TMEM117: variants seen among roughly 807,000 people sequenced by gnomAD.
TMEM117 encodes the protein transmembrane protein 117.
A neutral mutation model predicts 52.4 loss-of-function variants in TMEM117; 27 were observed. The observed-to-expected ratio is 0.51, with a 90% CI of 0.38 to 0.71. The LOEUF is 0.71. Ranked by LOEUF, TMEM117 falls within the 30% of genes least tolerant of loss-of-function variation. The pLI, the probability that TMEM117 is intolerant of heterozygous loss-of-function variation, is 0.00. For missense variants in TMEM117, 556 were observed against 630.5 expected (o/e 0.88, Z 1.26); for synonymous variants, 215 against 206.3 (o/e 1.04, Z -0.36).
At chr12:43,879,612 C>G (rs1450761184) in intron 2 of TMEM117, among the ~76,000 whole-genome samples, 1 of 152,220 alleles carries the variant, frequency 6.6e-6, no homozygotes, top group Admixed American at 6.5e-5. Flanking sequence ...TAGTTTGATT[C>G]TAAACCATCC....
At chr12:44,189,336 G>C (rs1402113712) in intron 4 of TMEM117, among the ~76,000 whole-genome samples, 1 of 152,080 alleles carries the variant, frequency 6.6e-6, no homozygotes, top group East Asian at 1.9e-4. Context: ...TGCAGAAAAT[G>C]ATATTTCTCT....
At chr12:43,972,378 C>A (rs1014346434) in intron 3 of TMEM117, among the ~76,000 whole-genome samples, 1 of 152,160 alleles carries the variant, frequency 6.6e-6, no homozygotes, top group Admixed American at 6.5e-5. Context: ...TGGACCTTTG[C>A]GGTGAGTGTT....
intron 4 of TMEM117, among the ~76,000 whole-genome samples, chr12:44,191,137 GGAA>G (rs1203210549): frequency 4.0e-5 from 6 of 151,882 alleles, no homozygotes; most frequent in Non-Finnish European, 7.4e-5. Context: ...CGTGATGGCA[GGAA>G]GAAGAAGAAT....
chr12:44,282,975 T>C (rs1950596343), intron 5 of TMEM117, among the ~76,000 whole-genome samples: 1 of 152,246 alleles, frequency 6.6e-6, no homozygotes, highest in Non-Finnish European at 1.5e-5. Flanking sequence ...GAGGCCAATG[T>C]CCAGCTCAGG....
intron 3 of TMEM117, among the ~76,000 whole-genome samples, chr12:43,989,811 A>G (rs1565782722): frequency 1.3e-5 from 2 of 152,168 alleles, no homozygotes; most frequent in South Asian, 4.1e-4. Context: ...TCAAACAATA[A>G]TCTGGAGTAA....
chr12:44,387,568 A>G (rs955508539), intron 7 of TMEM117, among the ~76,000 whole-genome samples: 1 of 152,140 alleles, frequency 6.6e-6, no homozygotes, highest in African/African-American at 2.4e-5. Flanking sequence ...AATTTGATAT[A>G]CTGCTGTGCT....
At chr12:44,287,665 CATA>C (rs1268446974) in intron 5 of TMEM117, among the ~76,000 whole-genome samples, 1 of 152,188 alleles carries the variant, frequency 6.6e-6, no homozygotes, top group East Asian at 1.9e-4. Context: ...TAGCTACAAA[CATA>C]ATAACAGGAG....
At chr12:44,244,165 G>T (rs1034033608) in intron 5 of TMEM117, among the ~76,000 whole-genome samples, 1 of 151,884 alleles carries the variant, frequency 6.6e-6, no homozygotes, top group Non-Finnish European at 1.5e-5. Context: ...GGATCACGTG[G>T]TAATTATATT....
chr12:44,086,648 C>G (rs972239567), intron 3 of TMEM117, among the ~76,000 whole-genome samples: 23 of 152,036 alleles, frequency 1.5e-4, no homozygotes, highest in African/African-American at 4.8e-4. Flanking sequence ...GTTTCTGGCT[C>G]AAGTCCCAAG....
At chr12:44,000,372 C>T (rs73286255) in intron 3 of TMEM117, among the ~76,000 whole-genome samples, 5,931 of 152,220 alleles carry the variant, frequency 0.039, 219 homozygotes, top group African/African-American at 0.093. Flanking sequence ...TTTGTGTACT[C>T]CCAGAGGCAA....
At chr12:44,037,201 C>A (rs1053145806) in intron 3 of TMEM117, among the ~76,000 whole-genome samples, 3 of 152,182 alleles carry the variant, frequency 2.0e-5, no homozygotes, top group Non-Finnish European at 4.4e-5. Flanking sequence ...CTCTTGGGGG[C>A]TGGAAGCAGG....
intron 3 of TMEM117, among the ~76,000 whole-genome samples, chr12:43,975,328 C>G (rs935448838): frequency 1.3e-5 from 2 of 152,172 alleles, no homozygotes; most frequent in East Asian, 3.8e-4. Context: ...GGGTCAGACT[C>G]TGCTTCAAAT....
At chr12:44,034,153 T>G (rs1473984500) in intron 3 of TMEM117, among the ~76,000 whole-genome samples, 1 of 152,178 alleles carries the variant, frequency 6.6e-6, no homozygotes, top group Admixed American at 6.5e-5. Context: ...AGGCAACAGG[T>G]TAAAATTCCT....
chr12:43,839,570 A>G (rs1943086058), intron 1 of TMEM117, among the ~76,000 whole-genome samples: 2 of 152,086 alleles, frequency 1.3e-5, no homozygotes, highest in Admixed American at 1.3e-4. Context: ...TCACCTTATA[A>G]TGAGGTCTTC....
At chr12:44,332,297 T>A (rs758736426) in intron 6 of TMEM117, among the ~76,000 whole-genome samples, 1 of 152,114 alleles carries the variant, frequency 6.6e-6, no homozygotes, top group Non-Finnish European at 1.5e-5. Flanking sequence ...ATGGAATAAG[T>A]TTGTGCAGAG....
the TMEM117 span, among the ~76,000 whole-genome samples, chr12:43,820,174 T>C: frequency 6.6e-6 from 1 of 152,184 alleles, no homozygotes; most frequent in Non-Finnish European, 1.5e-5. Context: ...CTCGGCTCAC[T>C]GCAACCTCCG....
chr12:44,363,807 T>C (rs2138815877), intron 6 of TMEM117, among the ~76,000 whole-genome samples: 1 of 152,294 alleles, frequency 6.6e-6, no homozygotes, highest in East Asian at 1.9e-4. Flanking sequence ...GTTTTGAGTG[T>C]GTAGTTGTTA....
At chr12:43,884,535 C>T (rs1220314531) in intron 2 of TMEM117, among the ~76,000 whole-genome samples, 1 of 152,094 alleles carries the variant, frequency 6.6e-6, no homozygotes, top group African/African-American at 2.4e-5. Context: ...GGGTTTTGAT[C>T]CCATGTCTGT....
chr12:44,136,504 A>G (rs1245364183), intron 3 of TMEM117, among the ~76,000 whole-genome samples: 1 of 152,136 alleles, frequency 6.6e-6, no homozygotes, highest in Non-Finnish European at 1.5e-5. Context: ...TTGACTTTAA[A>G]AGACACACAA....
Sources: allele counts gnomAD v4.1 joint callset (sites outside exome capture counted in the v4.1 genomes callset), GRCh38; gene constraint gnomAD v4.1.1; transcripts MANE v1.5; gene names NCBI Gene and HGNC (gene_info 2026-07-23, HGNC 2026-07-21).